Variants in COL24A1 observed in about 807,000 individuals in gnomAD.
COL24A1 encodes collagen type XXIV alpha 1 chain, also known as collagen alpha-1(XXIV) chain.
A neutral mutation model predicts 253.9 loss-of-function variants in COL24A1; 224 were observed. That is an observed-to-expected ratio of 0.88 (90% CI 0.79 to 0.99). COL24A1 has a LOEUF of 0.99. Ranked by LOEUF, COL24A1 falls within the 50% of genes least tolerant of loss-of-function variation. The pLI is 0.00. For synonymous variants in COL24A1, 685 were observed against 673.7 expected (o/e 1.02, Z -0.26); for missense variants, 2,131 against 2,068.5 (o/e 1.03, Z -0.59).
intron 14 of COL24A1, 58 bp from the exon 15 acceptor site, chr1:86,023,065 A>G: frequency 6.6e-7 from 1 of 1,513,072 alleles, no homozygotes; most frequent in Non-Finnish European, 9.1e-7. Flanking sequence ...TAGAAAGAAA[A>G]TGTGGCAGAA....
intron 47 of COL24A1, among the ~76,000 whole-genome samples, chr1:85,813,266 A>AG (rs972225683): frequency 2.0e-5 from 3 of 152,030 alleles, no homozygotes; most frequent in African/African-American, 7.2e-5. Flanking sequence ...TGGCTATTTT[A>AG]GGGGGAGGGG....
rs527508187 is a variant in COL24A1 at position 85,768,430 on chromosome 1, G to A, written c.4375-6864C>T. ...GTAGTGGGGGAAAAGTGGAAGAAAC[G>A]ACAAGAAACCGGGAGTCCAGGAGGG... is the stretch of plus-strand genomic sequence containing the variant. On this transcript the variant is annotated intron_variant, in intron 53 of 59. Transcript: ENST00000370571. Among the ~76,000 whole-genome samples the A allele has an allele frequency of 1.1e-3, 162 of 152,176 alleles. 1 individual carries two copies. The highest frequency in any genetic ancestry group is 3.7e-3 in the African/African-American group (154 of 41,528).
chr1:85,962,760 A>G (rs1473693863), intron 23 of COL24A1, among the ~76,000 whole-genome samples: 2 of 152,178 alleles, frequency 1.3e-5, no homozygotes, highest in African/African-American at 4.8e-5. Context: ...AAACAGATTA[A>G]ATATGTTATG....
At chr1:85,746,597 TA>T (rs1392452197) in intron 55 of COL24A1, among the ~76,000 whole-genome samples, 1 of 152,100 alleles carries the variant, frequency 6.6e-6, no homozygotes, top group African/African-American at 2.4e-5. Context: ...TTAGAGAAAT[TA>T]ATCAAATCTG....
At chr1:86,001,497 C>T (rs934364911) in intron 19 of COL24A1, among the ~76,000 whole-genome samples, 1 of 152,190 alleles carries the variant, frequency 6.6e-6, no homozygotes, top group African/African-American at 2.4e-5. Flanking sequence ...TCCCTGCTCA[C>T]TAAATGACAC....
intron 43 of COL24A1, among the ~76,000 whole-genome samples, chr1:85,826,872 G>A (rs896034129): frequency 6.6e-6 from 1 of 152,142 alleles, no homozygotes; most frequent in Admixed American, 6.5e-5. Context: ...CATCTGCAAA[G>A]AGGGACAATT....
chr1:86,002,542 T>A (rs1296044542), intron 19 of COL24A1, among the ~76,000 whole-genome samples: 1 of 152,252 alleles, frequency 6.6e-6, no homozygotes, highest in Non-Finnish European at 1.5e-5. Context: ...TGTGTTCTCC[T>A]GCCTCTGTCA....
chr1:86,089,044 A>C, intron 7 of COL24A1, 130 bp downstream of exon 7: 1 of 630,180 alleles, frequency 1.6e-6, no homozygotes, highest in Non-Finnish European at 2.6e-6. Flanking sequence ...TCAAAATGAG[A>C]TCATAGTCAC....
At chr1:85,907,044 G>T in intron 28 of COL24A1, 150 bp downstream of exon 28, 1 of 549,338 alleles carries the variant, frequency 1.8e-6, no homozygotes, top group Non-Finnish European at 3.2e-6. Context: ...ATTAACATAG[G>T]GCATTCATCT....
intron 32 of COL24A1, among the ~76,000 whole-genome samples, chr1:85,883,114 G>A (rs1255935977): frequency 1.3e-5 from 2 of 152,076 alleles, no homozygotes; most frequent in African/African-American, 4.8e-5. Flanking sequence ...TGTGGACTGC[G>A]TTAGTTTTCA....
intron 2 of COL24A1, among the ~76,000 whole-genome samples, chr1:86,131,324 T>C (rs903160709): frequency 6.6e-6 from 1 of 151,974 alleles, no homozygotes; most frequent in Non-Finnish European, 1.5e-5. Flanking sequence ...TTTTAATGAA[T>C]TGTATCCTTG....
intron 37 of COL24A1, 62 bp from the exon 38 acceptor site, chr1:85,849,468 GA>G: frequency 8.4e-7 from 1 of 1,194,200 alleles, no homozygotes; most frequent in Non-Finnish European, 1.2e-6. Flanking sequence ...TGGAGTATTT[GA>G]ATACTTCTAT....
chr1:85,807,953 T>C (rs1292395611), intron 47 of COL24A1, among the ~76,000 whole-genome samples: 1 of 151,806 alleles, frequency 6.6e-6, no homozygotes, highest in Non-Finnish European at 1.5e-5. Flanking sequence ...ATAAATGGAG[T>C]TTTCATCCAA....
intron 24 of COL24A1, among the ~76,000 whole-genome samples, chr1:85,945,992 A>T (rs566240200): frequency 1.3e-5 from 2 of 152,114 alleles, no homozygotes; most frequent in African/African-American, 4.8e-5. Flanking sequence ...ATGTCTGGGG[A>T]ATTTGGATTT....
At chr1:85,835,232 A>ACACATATAACCT (rs1675867335) in intron 43 of COL24A1, among the ~76,000 whole-genome samples, 2 of 149,662 alleles carry the variant, frequency 1.3e-5, no homozygotes, top group African/African-American at 2.5e-5. Context: ...CCCGGGTTCA[A>ACACATATAACCT]GTGTTTCTCC....
At chr1:86,112,481 C>CTTGGGAT in intron 5 of COL24A1, 86 bp downstream of exon 5, 2 of 1,177,298 alleles carry the variant, frequency 1.7e-6, no homozygotes, top group East Asian at 4.8e-5. Flanking sequence ...TCAAGACTTG[C>CTTGGGAT]CTTAAATGTT....
chr1:86,104,207 G>GT (rs1704731613), intron 5 of COL24A1, among the ~76,000 whole-genome samples: 1 of 151,704 alleles, frequency 6.6e-6, no homozygotes, highest in Admixed American at 6.6e-5. Flanking sequence ...ATTCTTATGT[G>GT]TTTTTTTCAG....
chr1:85,800,289 C>A (rs556151199), intron 47 of COL24A1, among the ~76,000 whole-genome samples: 1 of 152,260 alleles, frequency 6.6e-6, no homozygotes, highest in South Asian at 2.1e-4. Flanking sequence ...CCAAATGTCT[C>A]CATTGAGTGG....
At chr1:85,948,528 A>G (rs867304846) in intron 24 of COL24A1, among the ~76,000 whole-genome samples, 2 of 147,882 alleles carry the variant, frequency 1.4e-5, no homozygotes, top group African/African-American at 2.4e-5. Context: ...CGTCTCAAAA[A>G]AAAAAAAAAA....
Sources: allele counts gnomAD v4.1 joint callset (sites outside exome capture counted in the v4.1 genomes callset), GRCh38; gene constraint gnomAD v4.1.1; transcripts MANE v1.5; gene names NCBI Gene and HGNC (gene_info 2026-07-23, HGNC 2026-07-21).